TAFA1: variants seen among roughly 807,000 people sequenced by gnomAD.
TAFA1 encodes the protein TAFA chemokine like family member 1.
In TAFA1, 4 loss-of-function variants were observed where a neutral mutation model predicts 18.5. That is an observed-to-expected ratio of 0.22 (90% CI 0.11 to 0.49). The LOEUF (loss-of-function observed/expected upper bound fraction) is 0.49. TAFA1 is among the 20% of genes least tolerant of loss of function. TAFA1 has a pLI of 0.98. For missense variants in TAFA1, 147 were observed against 169.0 expected (o/e 0.87, Z 0.72); for synonymous variants, 56 against 55.2 (o/e 1.01, Z -0.06).
At chr3:68,328,354 G>C (rs2068809792) in intron 2 of TAFA1, among the ~76,000 whole-genome samples, 1 of 152,100 alleles carries the variant, frequency 6.6e-6, no homozygotes, top group Non-Finnish European at 1.5e-5. Flanking sequence ...CACAGCAATT[G>C]CCGTCCCAGT....
At chr3:68,339,027 T>C (rs575396510) in intron 2 of TAFA1, among the ~76,000 whole-genome samples, 174 of 152,192 alleles carry the variant, frequency 1.1e-3, no homozygotes, top group Non-Finnish European at 1.9e-3. Flanking sequence ...CTCAAGAATA[T>C]GGACTAGAAC....
intron 2 of TAFA1, among the ~76,000 whole-genome samples, chr3:68,284,960 T>C (rs1290587006): frequency 3.9e-5 from 6 of 152,008 alleles, no homozygotes; most frequent in Non-Finnish European, 4.4e-5. Context: ...TAATGGCACA[T>C]GCATGTAGTC....
intron 2 of TAFA1, among the ~76,000 whole-genome samples, chr3:68,296,193 C>T (rs969116677): frequency 7.9e-5 from 12 of 152,132 alleles, no homozygotes; most frequent in African/African-American, 2.2e-4. Context: ...CAATCTGGAC[C>T]GCCTACCCTC....
At chr3:68,091,642 T>A (rs1291560506) in intron 2 of TAFA1, among the ~76,000 whole-genome samples, 1 of 152,088 alleles carries the variant, frequency 6.6e-6, no homozygotes. Flanking sequence ...TTAATTTTGA[T>A]AAACCACTAC....
intron 2 of TAFA1, among the ~76,000 whole-genome samples, chr3:68,029,657 T>C (rs982575876): frequency 5.9e-5 from 9 of 152,220 alleles, no homozygotes; most frequent in Admixed American, 3.9e-4. Flanking sequence ...TAAAGCCCAC[T>C]TCAATTATAG....
At chr3:68,535,471 A>C (rs2073263325) in intron 3 of TAFA1, among the ~76,000 whole-genome samples, 1 of 152,006 alleles carries the variant, frequency 6.6e-6, no homozygotes, top group Non-Finnish European at 1.5e-5. Context: ...TTTTACCATA[A>C]TATTACGTTG....
At chr3:68,164,833 A>G (rs1056329997) in intron 2 of TAFA1, among the ~76,000 whole-genome samples, 1 of 152,198 alleles carries the variant, frequency 6.6e-6, no homozygotes, top group Non-Finnish European at 1.5e-5. Flanking sequence ...TCCAATACAC[A>G]TTTAGTGGCT....
chr3:68,059,989 G>A (rs974220907), intron 2 of TAFA1, among the ~76,000 whole-genome samples: 7 of 151,940 alleles, frequency 4.6e-5, no homozygotes, highest in African/African-American at 9.7e-5. Flanking sequence ...CTAAGCACAC[G>A]GCATTCTTTA....
At chr3:67,998,381 C>G in the TAFA1 span, among the ~76,000 whole-genome samples, 1 of 152,174 alleles carries the variant, frequency 6.6e-6, no homozygotes, top group Non-Finnish European at 1.5e-5. Context: ...CCATTATTAT[C>G]CTAATTCTCC....
chr3:68,217,107 A>C (rs111759338), intron 2 of TAFA1, among the ~76,000 whole-genome samples: 3 of 152,100 alleles, frequency 2.0e-5, no homozygotes, highest in Non-Finnish European at 4.4e-5. Context: ...ATAACTTTCC[A>C]ATAGAGAAAC....
chr3:68,471,952 G>A (rs971599917), intron 3 of TAFA1, among the ~76,000 whole-genome samples: 8 of 152,140 alleles, frequency 5.3e-5, no homozygotes, highest in African/African-American at 1.7e-4. Context: ...AGGTGGAAGC[G>A]ACTTGCCTAC....
At chr3:68,198,143 A>T (rs56059071) in intron 2 of TAFA1, among the ~76,000 whole-genome samples, 6,179 of 151,764 alleles carry the variant, frequency 0.041, 144 homozygotes, top group Middle Eastern at 0.082. Flanking sequence ...GCCTTTTCAG[A>T]CTGACTTCTT....
intron 3 of TAFA1, among the ~76,000 whole-genome samples, chr3:68,478,970 C>T (rs1169487450): frequency 2.0e-5 from 3 of 150,218 alleles, no homozygotes; most frequent in Non-Finnish European, 3.0e-5. Flanking sequence ...CGCAGTGGCT[C>T]ATGCCTGTAA....
intron 3 of TAFA1, among the ~76,000 whole-genome samples, chr3:68,513,483 G>T (rs1350705186): frequency 6.6e-6 from 1 of 151,962 alleles, no homozygotes; most frequent in African/African-American, 2.4e-5. Context: ...TCCACATGTG[G>T]CTAGTAGTTA....
intron 2 of TAFA1, among the ~76,000 whole-genome samples, chr3:68,286,666 A>G (rs2068014233): frequency 6.6e-6 from 1 of 152,176 alleles, no homozygotes; most frequent in Non-Finnish European, 1.5e-5. Context: ...CCTGCTATGT[A>G]GGCACTGGAA....
chr3:68,124,244 G>A (rs2065437981), intron 2 of TAFA1, among the ~76,000 whole-genome samples: 1 of 152,196 alleles, frequency 6.6e-6, no homozygotes, highest in African/African-American at 2.4e-5. Flanking sequence ...GATAAAACAT[G>A]ACAGAAGCTT....
At chr3:68,488,395 T>C (rs2072386833) in intron 3 of TAFA1, among the ~76,000 whole-genome samples, 1 of 152,234 alleles carries the variant, frequency 6.6e-6, no homozygotes, top group Non-Finnish European at 1.5e-5. Context: ...AGGGTGGGTC[T>C]ACCTTCAGTC....
In TAFA1 at chr3:68,006,665, G is replaced by C. The variant is rs749344696; in HGVS notation, c.39G>C (p.Leu13Phe). Residue 13 changes from leucine to phenylalanine, a missense_variant, in exon 2 of 5, where the codon TTG becomes TTC. Physicochemically the swap from Leu to Phe is conservative, Grantham distance 22 (BLOSUM62 0). Coordinates refer to ENST00000478136, the MANE Select transcript of TAFA1 (RefSeq NM_213609.4). ...CTGCGATGTCCTGGGTCCTGTATTT[G>C]TGGATAAGTGCTTGTGCAATGCTAC... ...MVSAMSWVLY[L>F]WISACAMLLC... 6.2e-7 allele frequency: 1 copy of C among 1,614,010 alleles called. No individual in the cohort carries two copies. The highest frequency in any genetic ancestry group is 8.5e-7 in the Non-Finnish European group (1 of 1,179,874).
chr3:68,237,644 A>C (rs1415829486), intron 2 of TAFA1, among the ~76,000 whole-genome samples: 1 of 152,094 alleles, frequency 6.6e-6, no homozygotes, highest in Non-Finnish European at 1.5e-5. Flanking sequence ...AGGGTTCTGA[A>C]TTTTTTTACC....
Sources: gnomAD v4.1 joint callset for allele counts (sites outside exome capture counted in the v4.1 genomes callset) on GRCh38, gnomAD v4.1.1 for gene constraint, MANE v1.5 for transcripts, NCBI Gene and HGNC (gene_info 2026-07-23, HGNC 2026-07-21) for gene names.